FYCO1: variants seen among roughly 807,000 people sequenced by gnomAD.
The protein encoded by FYCO1 is FYVE and coiled-coil domain-containing protein 1.
FYCO1 carries 122 observed loss-of-function variants against 165.1 expected under a neutral mutation model. The observed-to-expected ratio is 0.74, with a 90% CI of 0.64 to 0.86. The LOEUF (loss-of-function observed/expected upper bound fraction) is 0.86, where lower values mean the gene tolerates loss of function less well. FYCO1 is among the 40% of genes least tolerant of loss of function. FYCO1 has a pLI of 0.00. For missense variants in FYCO1, 1,702 were observed against 1,810.3 expected (o/e 0.94, Z 1.09); for synonymous variants, 648 against 742.5 (o/e 0.87, Z 2.07).
At chr3:45,956,109 G>T (rs567245823) in intron 13 of FYCO1, among the ~76,000 whole-genome samples, 2 of 152,292 alleles carry the variant, frequency 1.3e-5, no homozygotes, top group South Asian at 4.1e-4. Flanking sequence ...GCCGGGGTGG[G>T]TGGATCACTT....
At chr3:45,977,757 T>C (rs908222429) in intron 4 of FYCO1, among the ~76,000 whole-genome samples, 1 of 152,130 alleles carries the variant, frequency 6.6e-6, no homozygotes, top group Non-Finnish European at 1.5e-5. Context: ...TCTTAGAACC[T>C]TCACCTATTT....
At position 45,921,681 on chromosome 3, in the gene FYCO1, G is replaced by T; in HGVS notation, c.*84C>A. The T allele has an allele frequency of 4.1e-6, 4 of 969,046 alleles. No homozygotes were observed. Among genetic ancestry groups the T allele is most frequent in the Non-Finnish European group, 6.7e-6 (4 of 597,390 alleles). The allele number at this position is 969,046 out of a possible 1,614,324, so 60.0% of individuals were successfully genotyped here. ...CTGAGTTGATGATTTTGGAGCAGCTGACTTTTTAAAAAAATGCTTTATGTG... is the reference window on the plus strand; with the variant it reads ...CTGAGTTGATGATTTTGGAGCAGCTTACTTTTTAAAAAAATGCTTTATGTG... On this transcript the variant is annotated 3_prime_UTR_variant, in exon 18 of 18. Coordinates refer to ENST00000296137, the MANE Select transcript of FYCO1 (RefSeq NM_024513.4).
chr3:45,995,163 G>C (rs1707746933), intron 1 of FYCO1, among the ~76,000 whole-genome samples: 1 of 151,510 alleles, frequency 6.6e-6, no homozygotes, highest in Non-Finnish European at 1.5e-5. Flanking sequence ...TCGAGACCCT[G>C]CGCATGGGCA....
chr3:45,954,753 AGAG>A (rs1236807792), intron 14 of FYCO1, among the ~76,000 whole-genome samples: 1 of 152,198 alleles, frequency 6.6e-6, no homozygotes, highest in African/African-American at 2.4e-5. Flanking sequence ...GTCTGTAAGA[AGAG>A]GAGACTGAGA....
intron 3 of FYCO1, among the ~76,000 whole-genome samples, chr3:45,981,222 T>C (rs148565488): frequency 1.3e-3 from 196 of 152,322 alleles, no homozygotes; most frequent in Middle Eastern, 6.8e-3. Flanking sequence ...CGAATGTCTT[T>C]TTGGGAAGAC....
chr3:45,958,904 C>T (rs1027987272), intron 12 of FYCO1, among the ~76,000 whole-genome samples: 2 of 152,238 alleles, frequency 1.3e-5, no homozygotes, highest in African/African-American at 4.8e-5. Context: ...TCCCATATCT[C>T]AGAAGCTAAG....
At chr3:45,991,080 C>T (rs1246333825) in intron 1 of FYCO1, among the ~76,000 whole-genome samples, 1 of 152,204 alleles carries the variant, frequency 6.6e-6, no homozygotes, top group Non-Finnish European at 1.5e-5. Flanking sequence ...GCCCGGCCAT[C>T]ATGAGCACAT....
intron 14 of FYCO1, chr3:45,940,951 T>C (rs1351768814): frequency 6.6e-6 from 1 of 152,116 alleles, no homozygotes; most frequent in African/African-American, 2.4e-5. Context: ...CTGTACGCGG[T>C]TTCCTTCTCC....
intron 14 of FYCO1, among the ~76,000 whole-genome samples, chr3:45,936,914 G>A (rs973463616): frequency 6.6e-6 from 1 of 152,210 alleles, no homozygotes; most frequent in African/African-American, 2.4e-5. Flanking sequence ...TGCCTTCTCA[G>A]TGCCAGTGCA....
At chr3:45,965,171 C>A in intron 8 of FYCO1, 46 bp from the exon 9 acceptor site, 3 of 1,450,602 alleles carry the variant, frequency 2.1e-6, no homozygotes, top group Non-Finnish European at 9.7e-7. Flanking sequence ...AGGGTCCTTG[C>A]TCTGAGGATC....
intron 14 of FYCO1, 110 bp from the exon 15 acceptor site, chr3:45,936,653 G>T: frequency 1.3e-6 from 1 of 792,858 alleles, no homozygotes; most frequent in South Asian, 1.4e-5. Flanking sequence ...GATGCATGGG[G>T]GATCCTTTAA....
intron 2 of FYCO1, among the ~76,000 whole-genome samples, chr3:45,982,980 G>T (rs368800917): frequency 6.6e-6 from 1 of 152,144 alleles, no homozygotes; most frequent in South Asian, 2.1e-4. Flanking sequence ...ACCTGATCTG[G>T]GAACTCCTGA....
intron 16 of FYCO1, among the ~76,000 whole-genome samples, chr3:45,926,578 C>T (rs192773386): frequency 6.6e-6 from 1 of 152,312 alleles, no homozygotes; most frequent in East Asian, 1.9e-4. Flanking sequence ...ATACCTCTTT[C>T]TTAATAATTG....
chr3:45,974,969 A>T (rs904088970), intron 5 of FYCO1, among the ~76,000 whole-genome samples: 8 of 152,204 alleles, frequency 5.3e-5, no homozygotes, highest in Admixed American at 5.2e-4. Flanking sequence ...AATGCCTGGT[A>T]TCGGGAGTTA....
intron 14 of FYCO1, chr3:45,947,258 A>C: frequency 6.2e-7 from 1 of 1,614,150 alleles, no homozygotes; most frequent in Non-Finnish European, 8.5e-7. Context: ...CACACTGGGA[A>C]TACTATGCCA....
chr3:45,975,112 G>A, intron 5 of FYCO1, 127 bp downstream of exon 5: 1 of 769,106 alleles, frequency 1.3e-6, no homozygotes, highest in South Asian at 1.4e-5. Context: ...TGATATATGT[G>A]GAAGGAGTCT....
intron 1 of FYCO1, among the ~76,000 whole-genome samples, chr3:45,986,811 C>T (rs1270463247): frequency 6.6e-6 from 1 of 152,150 alleles, no homozygotes; most frequent in Non-Finnish European, 1.5e-5. Context: ...AGGGACCAGC[C>T]GGGGCCCTAG....
chr3:45,955,844 C>T (rs1705279149), intron 13 of FYCO1, among the ~76,000 whole-genome samples: 1 of 152,212 alleles, frequency 6.6e-6, no homozygotes, highest in Admixed American at 6.5e-5. Context: ...TTCCCTTAAT[C>T]CACTGATGCG....
intron 14 of FYCO1, among the ~76,000 whole-genome samples, chr3:45,949,495 G>C (rs1228278795): frequency 6.6e-6 from 1 of 152,186 alleles, no homozygotes; most frequent in Non-Finnish European, 1.5e-5. Flanking sequence ...AAGGTGTGAT[G>C]AGAATGCAGG....
Sources: gnomAD v4.1 joint callset for allele counts (sites outside exome capture counted in the v4.1 genomes callset) on GRCh38, gnomAD v4.1.1 for gene constraint, MANE v1.5 for transcripts, NCBI Gene and HGNC (gene_info 2026-07-23, HGNC 2026-07-21) for gene names.